SFI1: variants seen among roughly 807,000 people sequenced by gnomAD.
SFI1 encodes the protein protein SFI1 homolog.
Under a neutral mutation model 207.5 loss-of-function variants are expected in SFI1, and 195 were observed. That is an observed-to-expected ratio of 0.94 (90% CI 0.84 to 1.06). SFI1 has a LOEUF of 1.06. Among genes scored for constraint, SFI1 ranks in the 50% least tolerant of loss-of-function variants. The pLI is 0.00. For missense variants in SFI1, 1,634 were observed against 1,588.0 expected (o/e 1.03, Z -0.49); for synonymous variants, 630 against 598.9 (o/e 1.05, Z -0.76).
intron 15 of SFI1, among the ~76,000 whole-genome samples, chr22:31,591,798 C>T (rs1397822443): frequency 5.2e-5 from 4 of 77,086 alleles, no homozygotes; most frequent in Admixed American, 2.3e-4. Context: ...ACCTCCCTCC[C>T]GGACGGGGCG....
At chr22:31,573,246 A>G in intron 9 of SFI1, 32 bp downstream of exon 9, 1 of 1,608,898 alleles carries the variant, frequency 6.2e-7, no homozygotes, top group Non-Finnish European at 8.5e-7. Flanking sequence ...CTCGAGATAG[A>G]GGATCTGGTC....
chr22:31,545,598 T>C (rs1045685920), intron 4 of SFI1, among the ~76,000 whole-genome samples: 22 of 151,830 alleles, frequency 1.4e-4, no homozygotes, highest in Admixed American at 3.3e-4. Flanking sequence ...TTATTTTATT[T>C]TGAGACGAAG....
chr22:31,553,848 T>TG, intron 6 of SFI1, among the ~76,000 whole-genome samples: 2 of 111,220 alleles, frequency 1.8e-5, no homozygotes, highest in African/African-American at 3.4e-5. Flanking sequence ...GTTTTTTTTT[T>TG]TTTTTTTTTT....
chr22:31,575,811 C>T (rs765084645), intron 10 of SFI1, among the ~76,000 whole-genome samples: 7 of 152,144 alleles, frequency 4.6e-5, no homozygotes, highest in African/African-American at 2.4e-5. Context: ...ATACCATCAC[C>T]GTGATCATAG....
At chr22:31,522,489 C>G (rs971774752) in intron 2 of SFI1, among the ~76,000 whole-genome samples, 1 of 152,166 alleles carries the variant, frequency 6.6e-6, no homozygotes, top group African/African-American at 2.4e-5. Context: ...AATGGTATCT[C>G]CTCATTCCTC....
intron 14 of SFI1, among the ~76,000 whole-genome samples, chr22:31,588,877 CT>C (rs1171903719): frequency 1.3e-5 from 2 of 151,768 alleles, no homozygotes; most frequent in Non-Finnish European, 2.9e-5. Context: ...TGCATATATG[CT>C]TTTTCCCCCC....
At chr22:31,580,968 A>T (rs2064087075) in intron 12 of SFI1, among the ~76,000 whole-genome samples, 1 of 151,890 alleles carries the variant, frequency 6.6e-6, no homozygotes, top group Non-Finnish European at 1.5e-5. Flanking sequence ...TGGATTTTAA[A>T]CCTGACCTAG....
At chr22:31,607,865 G>T in intron 21 of SFI1, 72 bp from the exon 22 acceptor site, 1 of 1,407,552 alleles carries the variant, frequency 7.1e-7, no homozygotes, top group South Asian at 1.2e-5. Flanking sequence ...AGGAGCCACC[G>T]TCACAGACCT....
intron 4 of SFI1, among the ~76,000 whole-genome samples, chr22:31,532,437 A>G (rs144244339): frequency 5.3e-5 from 8 of 152,318 alleles, no homozygotes; most frequent in Admixed American, 2.6e-4. Context: ...AGAAGGGACC[A>G]GTGCGAGGTA....
intron 2 of SFI1, among the ~76,000 whole-genome samples, chr22:31,513,561 CGTTTT>C (rs140696308): frequency 1.6e-4 from 23 of 146,006 alleles, no homozygotes; most frequent in African/African-American, 3.0e-4. Context: ...TTTGGTTTTT[CGTTTT>C]GTTTTGTTTT....
At chr22:31,501,923 C>T (rs190718314) in intron 1 of SFI1, among the ~76,000 whole-genome samples, 23 of 152,262 alleles carry the variant, frequency 1.5e-4, no homozygotes, top group Admixed American at 5.2e-4. Flanking sequence ...ACATTAGCTT[C>T]ATTGACATGT....
chr22:31,601,402 C>T (rs1422459191), intron 15 of SFI1, among the ~76,000 whole-genome samples: 4 of 152,158 alleles, frequency 2.6e-5, no homozygotes, highest in East Asian at 3.9e-4. Context: ...GGATTACAGG[C>T]GTGAGCCACT....
At chr22:31,505,823 G>A (rs575830928) in intron 1 of SFI1, among the ~76,000 whole-genome samples, 2 of 152,292 alleles carry the variant, frequency 1.3e-5, no homozygotes, top group South Asian at 2.1e-4. Context: ...GGTTGAGGCT[G>A]CAGTGAGCCG....
At chr22:31,588,827 A>G (rs959353898) in intron 14 of SFI1, among the ~76,000 whole-genome samples, 2 of 150,662 alleles carry the variant, frequency 1.3e-5, no homozygotes, top group Non-Finnish European at 3.0e-5. Flanking sequence ...AAAAAAAACA[A>G]AAAACAACAA....
Position 31,607,965 on chromosome 22 carries a change from C to G in SFI1, c.2186C>G (p.Ser729Ter). The G allele has an allele frequency of 6.2e-7, 1 of 1,613,780 alleles. No homozygotes were observed. Among genetic ancestry groups the G allele is most frequent in the South Asian group, 1.1e-5 (1 of 91,046 alleles). ...KVLVQWREAV[S>*]VQMYYRQQED... ...CTGGTCCAGTGGCGGGAAGCTGTGT[C>G]AGTGCAGATGTATTACCGACAGCAG... The change falls in exon 22 of 33, where the codon TCA becomes TGA. Residue 729 changes from serine to a stop codon, truncating the protein, a stop_gained. Transcript: ENST00000400288. LOFTEE classifies it high-confidence loss of function.
At chr22:31,542,100 T>TAAA in intron 4 of SFI1, among the ~76,000 whole-genome samples, 1 of 36,336 alleles carries the variant, frequency 2.8e-5, no homozygotes, top group South Asian at 1.3e-3. Flanking sequence ...GACCCCGTCT[T>TAAA]TAAAAAAAAA....
At position 31,563,320 on chromosome 22, in the gene SFI1, T is replaced by G. The variant is rs2061923657; in HGVS notation, c.765+1928T>G. Among the ~76,000 whole-genome samples, 6 of 151,968 alleles carry G rather than the reference T, an allele frequency of 3.9e-5. No individual in the cohort carries two copies. The South Asian group carries it at 1.2e-3, about 32-fold the overall frequency. ...CATCATTATCATAATCACCATGCAGTATTGTGCTGAATAGACTTGTAACCT... is the reference window on the plus strand; with the variant it reads ...CATCATTATCATAATCACCATGCAGGATTGTGCTGAATAGACTTGTAACCT... On this transcript the variant is annotated intron_variant, in intron 8 of 32. Transcript: ENST00000400288.
intron 2 of SFI1, among the ~76,000 whole-genome samples, chr22:31,526,503 A>T (rs888014223): frequency 2.0e-5 from 3 of 152,174 alleles, no homozygotes; most frequent in African/African-American, 7.2e-5. Flanking sequence ...CGTGGGGATT[A>T]TGGGAGCTAC....
chr22:31,580,905 T>A (rs186583389), intron 12 of SFI1, among the ~76,000 whole-genome samples: 1 of 152,248 alleles, frequency 6.6e-6, no homozygotes, highest in Admixed American at 6.5e-5. Context: ...TTTGATCCCA[T>A]TTTTTTATCT....
Sources: allele counts gnomAD v4.1 joint callset (sites outside exome capture counted in the v4.1 genomes callset), GRCh38; gene constraint gnomAD v4.1.1; transcripts MANE v1.5; gene names NCBI Gene and HGNC (gene_info 2026-07-23, HGNC 2026-07-21).